The following FAM161A variants were observed in gnomAD, a reference collection of about 807,000 sequenced individuals.
FAM161A encodes protein FAM161A.
FAM161A carries 57 observed loss-of-function variants against 70.9 expected under a neutral mutation model. That is an observed-to-expected ratio of 0.80 (90% CI 0.65 to 1.00). The LOEUF (loss-of-function observed/expected upper bound fraction) is 1.00, where lower values mean the gene tolerates loss of function less well. Among genes scored for constraint, FAM161A ranks in the 50% least tolerant of loss-of-function variants. FAM161A has a pLI of 0.00. For missense variants in FAM161A, 880 were observed against 836.0 expected, an observed-to-expected ratio of 1.05 and a Z score of -0.65; for synonymous variants, 299 against 295.7, an observed-to-expected ratio of 1.01 and a Z score of -0.12.
chr2:61,807,879 A>G, the FAM161A span, among the ~76,000 whole-genome samples: 2 of 152,206 alleles, frequency 1.3e-5, no homozygotes, highest in African/African-American at 4.8e-5. Context: ...GGCCTCAAAT[A>G]AACCTCCTGC....
At chr2:61,847,551 G>A (rs980621564) in intron 1 of FAM161A, among the ~76,000 whole-genome samples, 39 of 152,126 alleles carry the variant, frequency 2.6e-4, no homozygotes, top group African/African-American at 9.2e-4. Flanking sequence ...CAGGTGGATT[G>A]CTTGAGCCCA....
chr2:61,829,748 T>G (rs1412782889), intron 5 of FAM161A, among the ~76,000 whole-genome samples: 1 of 152,210 alleles, frequency 6.6e-6, no homozygotes, highest in African/African-American at 2.4e-5. Context: ...TAAAATTCAA[T>G]TTAACATCTT....
At chr2:61,822,012 G>A (rs1007949129), downstream of FAM161A, among the ~76,000 whole-genome samples, 1 of 151,500 alleles carries the variant, frequency 6.6e-6, no homozygotes. Flanking sequence ...CAAGTAATCT[G>A]CCTGCCTCAG....
At chr2:61,852,481 T>C (rs770867357) in intron 1 of FAM161A, among the ~76,000 whole-genome samples, 1 of 152,206 alleles carries the variant, frequency 6.6e-6, no homozygotes, top group African/African-American at 2.4e-5. Flanking sequence ...ACAATTATTA[T>C]AGTTATTTTA....
downstream of FAM161A, among the ~76,000 whole-genome samples, chr2:61,820,727 T>C (rs979525654): frequency 6.6e-6 from 1 of 152,218 alleles, no homozygotes; most frequent in Non-Finnish European, 1.5e-5. Context: ...ATGAAATATG[T>C]CTGTGATTTG....
downstream of FAM161A, among the ~76,000 whole-genome samples, chr2:61,821,092 GC>G (rs1672193599): frequency 1.4e-5 from 2 of 138,994 alleles, no homozygotes; most frequent in Non-Finnish European, 3.1e-5. Flanking sequence ...TTGCTCTGTT[GC>G]CCAGGCTGCA....
At chr2:61,807,227 G>C in the FAM161A span, among the ~76,000 whole-genome samples, 2 of 151,192 alleles carry the variant, frequency 1.3e-5, no homozygotes, top group Non-Finnish European at 2.9e-5. Flanking sequence ...CCAGACAACG[G>C]AAATGAAGCA....
the FAM161A span, among the ~76,000 whole-genome samples, chr2:61,808,494 G>C: frequency 6.6e-6 from 1 of 151,814 alleles, no homozygotes; most frequent in African/African-American, 2.4e-5. Context: ...GGATAGTCTC[G>C]ATCTCCTGGC....
rs746337627 is a variant in FAM161A, at chr2:61,824,876, T to C, written c.*1579A>G. The C allele has an allele frequency of 2.4e-6, 1 of 424,302 alleles. No individual in the cohort carries two copies. The highest frequency in any genetic ancestry group is 4.6e-6 in the Non-Finnish European group (1 of 217,292). The allele number at this position is 424,302 out of a possible 1,614,324, so 26.3% of individuals were successfully genotyped here. ...ATCTACACACTCATTCAAACCTTTA[T>C]TAAGTACCTACCATATGTACAATAC... On this transcript the variant is annotated 3_prime_UTR_variant, in exon 7 of 7. Transcript: ENST00000404929.
intron 4 of FAM161A, among the ~76,000 whole-genome samples, chr2:61,837,899 G>C (rs1490592840): frequency 1.3e-5 from 2 of 152,102 alleles, no homozygotes; most frequent in Admixed American, 1.3e-4. Context: ...AAGCACATAT[G>C]CATATTTAGA....
At position 61,826,196 on chromosome 2, in the gene FAM161A, TCTCA is replaced by T; in HGVS notation, c.*255_*258del. 1 of 609,804 alleles carries T rather than the reference TCTCA, an allele frequency of 1.6e-6. No individual in the cohort carries two copies. The highest frequency in any genetic ancestry group is 3.0e-6 in the Non-Finnish European group (1 of 329,190). The allele number at this position is 609,804 out of a possible 1,614,324, so 37.8% of individuals were successfully genotyped here. A position where few individuals can be genotyped will look rare whatever the true frequency, so the allele number is the denominator to read the frequency against. ...CTAATCAGTTTGTGACAGCTGTGGT[TCTCA>T]CTTTTTAAAAATACAAAATCATAGT... On this transcript the variant is annotated 3_prime_UTR_variant, in exon 7 of 7. Coordinates refer to ENST00000404929, the MANE Select transcript of FAM161A (RefSeq NM_001201543.2).
chr2:61,826,703 G>T, intron 6 of FAM161A, 104 bp from the exon 7 acceptor site: 1 of 952,618 alleles, frequency 1.0e-6, no homozygotes, highest in Non-Finnish European at 1.6e-6. Context: ...TTCCTCAAGT[G>T]TATGAATTCC....
the FAM161A span, among the ~76,000 whole-genome samples, chr2:61,800,453 C>T: frequency 2.6e-5 from 4 of 152,174 alleles, no homozygotes; most frequent in Admixed American, 6.5e-5. Context: ...TCCTAGCTCC[C>T]GGTACCGTCG....
downstream of FAM161A, among the ~76,000 whole-genome samples, chr2:61,824,205 T>A: frequency 6.7e-6 from 1 of 149,058 alleles, no homozygotes; most frequent in African/African-American, 2.5e-5. Context: ...TTTTTTTTTT[T>A]TTTTTTGTAT....
At chr2:61,816,807 G>T in the FAM161A span, among the ~76,000 whole-genome samples, 1 of 152,060 alleles carries the variant, frequency 6.6e-6, no homozygotes, top group Non-Finnish European at 1.5e-5. Context: ...TTCATTCTCT[G>T]CCCTACTTGC....
the FAM161A span, among the ~76,000 whole-genome samples, chr2:61,808,234 T>C: frequency 6.6e-6 from 1 of 152,154 alleles, no homozygotes; most frequent in African/African-American, 2.4e-5. Context: ...TAAAGTTTCA[T>C]AGTAACTGCT....
At chr2:61,846,614 A>C (rs1020006005) in intron 1 of FAM161A, 1 of 224,994 alleles carries the variant, frequency 4.4e-6, no homozygotes, top group African/African-American at 2.4e-5. Flanking sequence ...CTCAGCTCCA[A>C]TGCCACCCTT....
intron 5 of FAM161A, among the ~76,000 whole-genome samples, chr2:61,828,230 T>A (rs529469291): frequency 1.1e-3 from 167 of 151,908 alleles, no homozygotes; most frequent in African/African-American, 4.0e-3. Context: ...TCTATAATTA[T>A]TTTTTATATT....
intron 4 of FAM161A, 149 bp from the exon 5 acceptor site, chr2:61,836,258 AC>A: frequency 1.5e-6 from 1 of 663,090 alleles, no homozygotes; most frequent in African/African-American, 1.8e-5. Flanking sequence ...AATTATAAGC[AC>A]AGTTCACAGT....
Sources: allele counts gnomAD v4.1 joint callset (sites outside exome capture counted in the v4.1 genomes callset), GRCh38; gene constraint gnomAD v4.1.1; transcripts MANE v1.5; gene names NCBI Gene and HGNC (gene_info 2026-07-23, HGNC 2026-07-21).